Variants in EDN3 observed in about 807,000 individuals in gnomAD.
EDN3 encodes the protein endothelin-3.
A neutral mutation model predicts 21.4 loss-of-function variants in EDN3; 9 were observed. That is an observed-to-expected ratio of 0.42 (90% CI 0.25 to 0.73). EDN3 has a LOEUF of 0.73. EDN3 is among the 30% of genes least tolerant of loss of function. EDN3 has a pLI of 0.26. For synonymous variants in EDN3, 133 were observed against 126.2 expected (o/e 1.05, Z -0.36); for missense variants, 327 against 309.4 (o/e 1.06, Z -0.43).
rs1217486733 is a variant in EDN3, at chr20:59,321,060, C to T, written c.409C>T (p.Arg137Trp). 6 of 1,614,060 alleles carry T rather than the reference C, an allele frequency of 3.7e-6. No homozygotes were observed. Among genetic ancestry groups the T allele is most frequent in the Non-Finnish European group, 5.1e-6 (6 of 1,180,038 alleles). Residue 137 changes from arginine (R) to tryptophan (W), a missense_variant, in exon 3 of 5, where the codon CGG becomes TGG. Physicochemically the swap from Arg to Trp is moderately radical, Grantham distance 101. Coordinates refer to ENST00000337938, the MANE Select transcript of EDN3 (RefSeq NM_207034.3). ...YGLSNYRGSF[R>W]GKRSAGPLPG... ...ACTGTCCAACTACAGAGGAAGCTTC[C>T]GGGGCAAGAGGTCTGCGGGGCCACT...
chr20:59,302,579 C>T (rs1989123766), intron 2 of EDN3, among the ~76,000 whole-genome samples: 1 of 152,140 alleles, frequency 6.6e-6, no homozygotes, highest in Admixed American at 6.5e-5. Flanking sequence ...GAGGGCTTGA[C>T]CTTGCCTGGG....
chr20:59,319,823 G>A (rs148840922), intron 2 of EDN3, among the ~76,000 whole-genome samples: 9 of 152,230 alleles, frequency 5.9e-5, no homozygotes, highest in African/African-American at 2.2e-4. Flanking sequence ...TGGATAATTG[G>A]TACTACTCAG....
At position 59,322,811 on chromosome 20, in the gene EDN3, A is replaced by G. The variant is rs1990632429; in HGVS notation, c.588+394A>G. Among the ~76,000 whole-genome samples the G allele has an allele frequency of 6.6e-6, 1 of 152,168 alleles. No homozygotes were observed. Among genetic ancestry groups the G allele is most frequent in the Non-Finnish European group, 1.5e-5 (1 of 68,044 alleles). ...ACCCACACTTCGCCTCTGCTTCCTT[A>G]GCAACATGTGGTCTTTCTCGTCAAA... On this transcript the variant is annotated intron_variant, in intron 4 of 4. Transcript: ENST00000337938. This position sits in a 1 kb window ranked among gnomAD's most constrained non-coding sequence, Gnocchi z 4.1.
In EDN3 at chr20:59,301,812, C is replaced by T. The variant is rs897817244; in HGVS notation, c.365+90C>T. 216 of 1,444,032 alleles carry T rather than the reference C, an allele frequency of 1.5e-4. 2 individuals are homozygous for T. Among genetic ancestry groups the T allele is most frequent in the Non-Finnish European group, 1.9e-4 (195 of 1,027,366 alleles). The allele number at this position is 1,444,032 out of a possible 1,614,324, so 89.5% of individuals were successfully genotyped here. The stretch of plus-strand genomic sequence containing the variant: ...GGAGGACCTCACTCCACCCCAGCCC[C>T]GCTCAGTTAGCCCAGAGCCTGCCCT... On this transcript the variant is annotated intron_variant, in intron 2 of 4. Transcript: ENST00000337938.
At position 59,324,393 on chromosome 20, in the gene EDN3, C is replaced by T. The variant is rs748005608; in HGVS notation, c.651C>T (p.Pro217=). Residue 217 remains proline (P), a synonymous_variant, in exon 5 of 5, where the codon CCC becomes CCT. Coordinates refer to ENST00000337938, the MANE Select transcript of EDN3 (RefSeq NM_207034.3). ...ACCTCCACCATCCAAAGCTCATGCC[C>T]GGCAGTGGACTCGCCCTCGCTCCAT... ...ALDLHHPKLM[P]GSGLALAPST... is the part of the protein sequence containing the mutation. The T allele has an allele frequency of 6.0e-5, 97 of 1,614,016 alleles. No individual in the cohort carries two copies. In the East Asian group the frequency reaches 6.5e-4, roughly 11 times the overall value.
chr20:59,324,291 C>A (rs11570350), intron 4 of EDN3, 40 bp from the exon 5 acceptor site: 4 of 1,613,610 alleles, frequency 2.5e-6, no homozygotes, highest in Non-Finnish European at 2.5e-6. Flanking sequence ...TCATAACATA[C>A]CTTTCTTTTT....
At chr20:59,309,571 G>C (rs773036143) in intron 2 of EDN3, among the ~76,000 whole-genome samples, 3 of 152,174 alleles carry the variant, frequency 2.0e-5, no homozygotes, top group Non-Finnish European at 4.4e-5. Flanking sequence ...AAGGGACCCT[G>C]AGCTTGAGGT....
chr20:59,301,864 C>A, intron 2 of EDN3, 142 bp downstream of exon 2: 2 of 979,068 alleles, frequency 2.0e-6, no homozygotes, highest in Admixed American at 1.9e-5. Context: ...CTTGCTGGGG[C>A]CTCTTGCCAG....
rs530802104 is a variant in EDN3, at chr20:59,321,551, C to A, written c.542+358C>A. Among the ~76,000 whole-genome samples the A allele has an allele frequency of 3.9e-5, 6 of 152,262 alleles. No homozygotes were observed. The Middle Eastern group carries it at 0.01, about 259-fold the overall frequency. ...TTGAAGAATTAACCCCTGCCAAATG[C>A]GTATTTTTAGCCTTCTCGAAAATAG... On this transcript the variant is annotated intron_variant, in intron 3 of 4. Coordinates refer to ENST00000337938, the MANE Select transcript of EDN3 (RefSeq NM_207034.3).
intron 2 of EDN3, among the ~76,000 whole-genome samples, chr20:59,302,580 C>A (rs1568825230): frequency 6.6e-6 from 1 of 152,156 alleles, no homozygotes; most frequent in Non-Finnish European, 1.5e-5. Flanking sequence ...AGGGCTTGAC[C>A]TTGCCTGGGT....
chr20:59,313,331 G>A (rs1989954191), intron 2 of EDN3, among the ~76,000 whole-genome samples: 1 of 152,186 alleles, frequency 6.6e-6, no homozygotes, highest in South Asian at 2.1e-4. Flanking sequence ...GCTGGACAAG[G>A]TCCTGCTGTT....
chr20:59,301,466 C>T lies in EDN3; in HGVS notation c.109C>T (p.Pro37Ser). 6.2e-7 allele frequency: 1 copy of T among 1,613,412 alleles called. No individual in the cohort carries two copies. Among genetic ancestry groups the T allele is most frequent in the Non-Finnish European group, 8.5e-7 (1 of 1,179,990 alleles). ...TGGCAGGCGCGGCGTGTCCCAGGCCCCCACTGCAGCCAGATCTGAGGGGGA... is the reference window on the plus strand; with the variant it reads ...TGGCAGGCGCGGCGTGTCCCAGGCCTCCACTGCAGCCAGATCTGAGGGGGA... ...DAGRRGVSQA[P>S]TAARSEGDCE... Residue 37 changes from proline (P) to serine (S), a missense_variant, in exon 2 of 5, where the codon CCC (proline) becomes TCC (serine). Pro to Ser is a moderately conservative substitution (Grantham distance 74). Coordinates refer to ENST00000337938, the MANE Select transcript of EDN3 (RefSeq NM_207034.3).
At chr20:59,317,499 G>A (rs1990255562) in intron 2 of EDN3, among the ~76,000 whole-genome samples, 1 of 152,214 alleles carries the variant, frequency 6.6e-6, no homozygotes, top group South Asian at 2.1e-4. Flanking sequence ...CGACCAGGAA[G>A]TTGTTGAGAG....
At chr20:59,301,385 G>A in intron 1 of EDN3, 25 bp from the exon 2 acceptor site, 2 of 1,603,410 alleles carry the variant, frequency 1.2e-6, no homozygotes, top group Non-Finnish European at 1.7e-6. Flanking sequence ...CTCAGCTTAG[G>A]AGCCCCTCAA....
chr20:59,309,687 A>G (rs1989665445), intron 2 of EDN3, among the ~76,000 whole-genome samples: 1 of 152,156 alleles, frequency 6.6e-6, no homozygotes, highest in Non-Finnish European at 1.5e-5. Context: ...TTGGAGTGGC[A>G]TATTTCTTAG....
intron 3 of EDN3, 41 bp downstream of exon 3, chr20:59,321,234 A>T: frequency 6.2e-7 from 1 of 1,610,654 alleles, no homozygotes; most frequent in South Asian, 1.1e-5. Context: ...GCAGATATGC[A>T]TCAACCCTCG....
intron 2 of EDN3, among the ~76,000 whole-genome samples, chr20:59,306,238 G>T (rs1029592733): frequency 5.9e-5 from 9 of 152,198 alleles, no homozygotes; most frequent in African/African-American, 2.2e-4. Flanking sequence ...GTTATGAAAA[G>T]AACAGGGCAG....
intron 2 of EDN3, among the ~76,000 whole-genome samples, chr20:59,310,766 A>C (rs1307348479): frequency 6.6e-6 from 1 of 152,136 alleles, no homozygotes; most frequent in Non-Finnish European, 1.5e-5. Context: ...AAGTACCGAC[A>C]GACGCAACCA....
intron 1 of EDN3, 128 bp downstream of exon 1, chr20:59,300,992 G>A: frequency 2.6e-6 from 3 of 1,139,714 alleles, no homozygotes; most frequent in African/African-American, 1.5e-5. Flanking sequence ...CTGCACTCGT[G>A]AAGACGCCTG....
Sources: gnomAD v4.1 joint callset for allele counts (sites outside exome capture counted in the v4.1 genomes callset) on GRCh38, gnomAD v4.1.1 for gene constraint, Gnocchi (gnomAD v3.1) non-coding constraint, MANE v1.5 for transcripts, NCBI Gene and HGNC (gene_info 2026-07-23, HGNC 2026-07-21) for gene names.